The following GALNT16 variants were observed in gnomAD, a reference collection of about 807,000 sequenced individuals.
GALNT16 encodes polypeptide N-acetylgalactosaminyltransferase 16.
In GALNT16, 40 loss-of-function variants were observed where a neutral mutation model predicts 76.1. The observed-to-expected ratio is 0.53, with a 90% CI of 0.41 to 0.68. The LOEUF (loss-of-function observed/expected upper bound fraction) is 0.68, where lower values mean the gene tolerates loss of function less well. Ranked by LOEUF, GALNT16 falls within the 30% of genes least tolerant of loss-of-function variation. GALNT16 has a pLI of 0.00. For synonymous variants in GALNT16, 276 were observed against 285.2 expected, an observed-to-expected ratio of 0.97 and a Z score of 0.32; for missense variants, 621 against 731.9, an observed-to-expected ratio of 0.85 and a Z score of 1.75.
At chr14:69,355,574 T>C (rs1200707109), downstream of GALNT16, 3 of 152,604 alleles carry the variant, frequency 2.0e-5, no homozygotes, top group Non-Finnish European at 2.9e-5. Context: ...CAAAGCCCAT[T>C]TTCTGTGCCA....
intron 14 of GALNT16, 89 bp downstream of exon 14, chr14:69,348,091 G>A: frequency 2.2e-6 from 3 of 1,373,998 alleles, no homozygotes; most frequent in Non-Finnish European, 2.1e-6. Flanking sequence ...GCCCCTGATT[G>A]ACTCAAATAA....
chr14:69,287,176 C>T (rs1449362622), intron 1 of GALNT16, among the ~76,000 whole-genome samples: 1 of 152,200 alleles, frequency 6.6e-6, no homozygotes, highest in Non-Finnish European at 1.5e-5. Context: ...TGCATCACAC[C>T]CTTCACTTTC....
chr14:69,379,639 C>G, the GALNT16 span, among the ~76,000 whole-genome samples: 1 of 152,136 alleles, frequency 6.6e-6, no homozygotes, highest in Non-Finnish European at 1.5e-5. Context: ...TACACTCCAG[C>G]TTGGGTACAG....
chr14:69,383,263 T>C, the GALNT16 span, among the ~76,000 whole-genome samples: 1 of 152,268 alleles, frequency 6.6e-6, no homozygotes, highest in Admixed American at 6.5e-5. Context: ...GTCAGTTTGC[T>C]CTGGGTTTAG....
chr14:69,316,779 G>GGC (rs77086389), intron 1 of GALNT16, among the ~76,000 whole-genome samples: 8,922 of 134,068 alleles, frequency 0.067, 694 homozygotes, highest in East Asian at 0.36. Context: ...GTCTGTGAGG[G>GGC]GGGGGGGCAC....
the GALNT16 span, among the ~76,000 whole-genome samples, chr14:69,365,747 C>A: frequency 6.6e-6 from 1 of 151,926 alleles, no homozygotes; most frequent in Non-Finnish European, 1.5e-5. Flanking sequence ...ATGTAACAAC[C>A]CTGCACATCC....
intron 2 of GALNT16, among the ~76,000 whole-genome samples, chr14:69,323,408 G>A (rs2045232096): frequency 6.6e-6 from 1 of 152,204 alleles, no homozygotes; most frequent in Non-Finnish European, 1.5e-5. Flanking sequence ...CTTCAGATGG[G>A]GTGTGGGTGG....
At chr14:69,267,671 A>T (rs1366074741) in intron 1 of GALNT16, among the ~76,000 whole-genome samples, 2 of 152,236 alleles carry the variant, frequency 1.3e-5, no homozygotes, top group African/African-American at 4.8e-5. Context: ...TCAGCAGGGG[A>T]TGGAGAGAGG....
intron 1 of GALNT16, among the ~76,000 whole-genome samples, chr14:69,284,276 G>A (rs2044581006): frequency 6.6e-6 from 1 of 152,172 alleles, no homozygotes; most frequent in South Asian, 2.1e-4. Flanking sequence ...AGACTCCAGA[G>A]GCGAGTGGGC....
chr14:69,290,109 T>C (rs1210423494), intron 1 of GALNT16, among the ~76,000 whole-genome samples: 1 of 152,224 alleles, frequency 6.6e-6, no homozygotes, highest in African/African-American at 2.4e-5. Flanking sequence ...AATGATCTAA[T>C]GTGTAAGGTT....
At chr14:69,360,432 A>C (rs938389706), downstream of GALNT16, among the ~76,000 whole-genome samples, 2 of 152,046 alleles carry the variant, frequency 1.3e-5, no homozygotes, top group Non-Finnish European at 2.9e-5. Flanking sequence ...GTTCGAGACC[A>C]GCCTGGCCAA....
intron 1 of GALNT16, among the ~76,000 whole-genome samples, chr14:69,284,470 C>A (rs770597782): frequency 6.6e-6 from 1 of 152,190 alleles, no homozygotes; most frequent in South Asian, 2.1e-4. Flanking sequence ...GGCTTTTACA[C>A]GTGGCTGCTC....
chr14:69,269,232 G>C (rs916812591), intron 1 of GALNT16, among the ~76,000 whole-genome samples: 1 of 152,098 alleles, frequency 6.6e-6, no homozygotes, highest in Non-Finnish European at 1.5e-5. Flanking sequence ...CTGTGTCTTG[G>C]AACACTTCAT....
chr14:69,282,549 A>G (rs1041054395), intron 1 of GALNT16, among the ~76,000 whole-genome samples: 20 of 152,098 alleles, frequency 1.3e-4, no homozygotes, highest in African/African-American at 4.8e-4. Context: ...TTTTATAAGG[A>G]TAATGTGAAC....
chr14:69,363,150 T>C, the GALNT16 span, among the ~76,000 whole-genome samples: 1 of 152,064 alleles, frequency 6.6e-6, no homozygotes, highest in South Asian at 2.1e-4. Context: ...ATGACTTAGG[T>C]TCCCTGGAGC....
At chr14:69,327,596 G>A (rs955170791) in intron 5 of GALNT16, among the ~76,000 whole-genome samples, 1 of 152,206 alleles carries the variant, frequency 6.6e-6, no homozygotes, top group Admixed American at 6.5e-5. Flanking sequence ...GCTTTTGGCT[G>A]GCTGGCGGGC....
downstream of GALNT16, chr14:69,358,712 AC>A (rs1308071800): frequency 2.0e-5 from 3 of 152,140 alleles, no homozygotes; most frequent in Non-Finnish European, 4.4e-5. Flanking sequence ...TCATCATCAC[AC>A]CCATCATCAA....
At chr14:69,287,173 C>T (rs894899408) in intron 1 of GALNT16, among the ~76,000 whole-genome samples, 2 of 152,246 alleles carry the variant, frequency 1.3e-5, no homozygotes, top group Non-Finnish European at 2.9e-5. Flanking sequence ...CTCTGCATCA[C>T]ACCCTTCACT....
intron 12 of GALNT16, among the ~76,000 whole-genome samples, chr14:69,342,455 GAAGGTGGAAGAAGGAAGGA>G (rs1232988374): frequency 1.2e-4 from 10 of 83,642 alleles, no homozygotes; most frequent in Middle Eastern, 6.0e-3. Flanking sequence ...GGGAGGGAGG[GAAGGTGGAAGAAGGAAGGA>G]AGGGAGGGAG....
Sources: allele counts gnomAD v4.1 joint callset (sites outside exome capture counted in the v4.1 genomes callset), GRCh38; gene constraint gnomAD v4.1.1; transcripts MANE v1.5; gene names NCBI Gene and HGNC (gene_info 2026-07-23, HGNC 2026-07-21).